Variants in NEK5 observed in about 807,000 individuals in gnomAD.
NEK5 encodes serine/threonine-protein kinase Nek5.
In NEK5, 88 loss-of-function variants were observed where a neutral mutation model predicts 109.2. The observed-to-expected ratio is 0.81, with a 90% CI of 0.68 to 0.96. NEK5 has a LOEUF of 0.96. Ranked by LOEUF, NEK5 falls within the 40% of genes least tolerant of loss-of-function variation. NEK5 has a pLI of 0.00. For synonymous variants in NEK5, 283 were observed against 299.9 expected, an observed-to-expected ratio of 0.94 and a Z score of 0.58; for missense variants, 834 against 920.7, an observed-to-expected ratio of 0.91 and a Z score of 1.22.
chr13:52,124,964 C>T lies in NEK5; in HGVS notation c.117+2402G>A, dbSNP rs893582195. ...AGGAAGAGGAAGAGTCAACAGTATT[C>T]GCCAAATAATTGAATGTGGAGAAGG... On this transcript the variant is annotated intron_variant, in intron 3 of 23. Transcript: ENST00000684899. Among the ~76,000 whole-genome samples the T allele has an allele frequency of 8.5e-5, 13 of 152,220 alleles. 2 individuals are homozygous for T. Among genetic ancestry groups the T allele is most frequent in the Admixed American group, 3.9e-4 (6 of 15,284 alleles).
At chr13:52,124,337 G>C (rs1956023610) in intron 3 of NEK5, among the ~76,000 whole-genome samples, 1 of 152,122 alleles carries the variant, frequency 6.6e-6, no homozygotes, top group African/African-American at 2.4e-5. Context: ...ATAACAATTT[G>C]TGTCTTTCTT....
At chr13:52,104,274 T>G (rs1418728118) in intron 9 of NEK5, among the ~76,000 whole-genome samples, 2 of 152,230 alleles carry the variant, frequency 1.3e-5, no homozygotes, top group African/African-American at 2.4e-5. Context: ...ACACAATTTA[T>G]TTTTAATGGA....
At chr13:52,068,116 A>C (rs1259815062) in intron 20 of NEK5, among the ~76,000 whole-genome samples, 1 of 152,066 alleles carries the variant, frequency 6.6e-6, no homozygotes, top group Admixed American at 6.5e-5. Flanking sequence ...CCCCAGCCCT[A>C]TCAGGTTCCT....
At chr13:52,081,445 C>T (rs896907152) in intron 17 of NEK5, among the ~76,000 whole-genome samples, 2 of 152,010 alleles carry the variant, frequency 1.3e-5, no homozygotes, top group Non-Finnish European at 2.9e-5. Flanking sequence ...CCTCGGCCTC[C>T]TAAATAGCTG....
intron 17 of NEK5, among the ~76,000 whole-genome samples, chr13:52,079,510 C>T (rs1404100733): frequency 2.0e-5 from 3 of 151,012 alleles, no homozygotes; most frequent in African/African-American, 4.8e-5. Context: ...CTGTGTTGGC[C>T]GGGCTGGTCT....
chr13:52,096,236 C>G (rs1955412484), intron 12 of NEK5, among the ~76,000 whole-genome samples: 1 of 152,048 alleles, frequency 6.6e-6, no homozygotes, highest in South Asian at 2.1e-4. Flanking sequence ...ACATTGATAC[C>G]AGGAGTGGGG....
Position 52,109,019 on chromosome 13 carries a change from A to G in NEK5, c.468-615T>C, listed in dbSNP as rs144367410. ...CCATTTCCCAATTATTTAGGCATTT[A>G]CGTTATTCCAAATTTCAAATTATTC... On this transcript the variant is annotated intron_variant, in intron 7 of 23. Transcript: ENST00000684899. 2.0e-3 allele frequency among the ~76,000 whole-genome samples: 309 copies of G among 152,362 alleles called. 1 individual carries two copies. Among genetic ancestry groups the G allele is most frequent in the African/African-American group, 7.1e-3 (297 of 41,582 alleles).
intron 21 of NEK5, among the ~76,000 whole-genome samples, chr13:52,063,285 G>C (rs1954630868): frequency 6.6e-6 from 1 of 152,188 alleles, no homozygotes; most frequent in South Asian, 2.1e-4. Flanking sequence ...GTGTTGGCCG[G>C]GCTGGTCTCC....
chr13:52,112,492 C>T (rs1252187321), intron 4 of NEK5, 127 bp from the exon 5 acceptor site: 1 of 591,342 alleles, frequency 1.7e-6, no homozygotes, highest in Non-Finnish European at 3.0e-6. Flanking sequence ...AGCTCTGTGA[C>T]TCTGGGCAAG....
intron 23 of NEK5, among the ~76,000 whole-genome samples, chr13:52,045,403 G>T (rs1400815108): frequency 1.3e-5 from 2 of 149,922 alleles, no homozygotes; most frequent in Non-Finnish European, 1.5e-5. Context: ...GTGCTGCCGC[G>T]CCCGGCCAGA....
chr13:52,038,629 G>A (rs567359165), intron 23 of NEK5, among the ~76,000 whole-genome samples: 5 of 151,942 alleles, frequency 3.3e-5, no homozygotes, highest in African/African-American at 1.2e-4. Context: ...CAGCTAGGAG[G>A]TCTCACTGTG....
chr13:52,053,233 A>G (rs1954523572), intron 22 of NEK5, among the ~76,000 whole-genome samples: 1 of 152,202 alleles, frequency 6.6e-6, no homozygotes, highest in African/African-American at 2.4e-5. Flanking sequence ...CCTGGGAGGT[A>G]GAGGGTGCAG....
intron 4 of NEK5, among the ~76,000 whole-genome samples, chr13:52,113,004 C>T (rs924227871): frequency 3.9e-5 from 6 of 152,100 alleles, no homozygotes; most frequent in Admixed American, 6.6e-5. Flanking sequence ...AATATGTTTA[C>T]GCCATTTATT....
chr13:52,121,476 A>G (rs1181602522), intron 3 of NEK5, among the ~76,000 whole-genome samples: 1 of 152,222 alleles, frequency 6.6e-6, no homozygotes, highest in Non-Finnish European at 1.5e-5. Flanking sequence ...TAATTCTTCT[A>G]GAAATTTATC....
At chr13:52,102,679 T>C (rs1955565783) in intron 9 of NEK5, among the ~76,000 whole-genome samples, 1 of 152,096 alleles carries the variant, frequency 6.6e-6, no homozygotes, top group South Asian at 2.1e-4. Flanking sequence ...GGTGACAGAG[T>C]GAGACCCTGT....
chr13:52,076,008 G>T, intron 18 of NEK5, 55 bp downstream of exon 18: 2 of 1,142,762 alleles, frequency 1.8e-6, no homozygotes, highest in Middle Eastern at 2.0e-4. Context: ...AGATCACAAG[G>T]TGGCTCCCCA....
At chr13:52,044,123 C>G (rs1954437303) in intron 23 of NEK5, among the ~76,000 whole-genome samples, 1 of 152,218 alleles carries the variant, frequency 6.6e-6, no homozygotes, top group Non-Finnish European at 1.5e-5. Flanking sequence ...AGCTTCGCAG[C>G]CTACAGCTTT....
At chr13:52,082,753 T>C (rs924933260) in intron 17 of NEK5, among the ~76,000 whole-genome samples, 1 of 152,158 alleles carries the variant, frequency 6.6e-6, no homozygotes, top group Non-Finnish European at 1.5e-5. Context: ...TAGCAGCAGT[T>C]CTCAAACTTG....
At chr13:52,059,716 A>G (rs1436276727) in intron 22 of NEK5, among the ~76,000 whole-genome samples, 1 of 151,326 alleles carries the variant, frequency 6.6e-6, no homozygotes, top group Non-Finnish European at 1.5e-5. Context: ...AAAAAACCAA[A>G]CACCGCATAT....
Sources: allele counts gnomAD v4.1 joint callset (sites outside exome capture counted in the v4.1 genomes callset), GRCh38; gene constraint gnomAD v4.1.1; transcripts MANE v1.5; gene names NCBI Gene and HGNC (gene_info 2026-07-23, HGNC 2026-07-21).